The following CDH20 variants were observed in gnomAD, a reference collection of about 807,000 sequenced individuals.
CDH20 encodes cadherin 20.
A neutral mutation model predicts 74.2 loss-of-function variants in CDH20; 29 were observed. That is an observed-to-expected ratio of 0.39 (90% CI 0.29 to 0.53). The LOEUF is 0.53. CDH20 is among the 20% of genes least tolerant of loss of function. The pLI is 0.69. For synonymous variants in CDH20, 469 were observed against 405.4 expected, an observed-to-expected ratio of 1.16 and a Z score of -1.88; for missense variants, 988 against 1,048.3, an observed-to-expected ratio of 0.94 and a Z score of 0.79.
intron 1 of CDH20, among the ~76,000 whole-genome samples, chr18:61,381,894 C>T (rs1911444271): frequency 6.6e-6 from 1 of 152,194 alleles, no homozygotes; most frequent in Non-Finnish European, 1.5e-5. Flanking sequence ...CGCATCTCAA[C>T]ACATGAGATC....
At chr18:61,438,304 G>A (rs1599085435) in intron 1 of CDH20, among the ~76,000 whole-genome samples, 2 of 152,180 alleles carry the variant, frequency 1.3e-5, no homozygotes, top group South Asian at 4.1e-4. Context: ...TGGGTATGTG[G>A]GTGGTGACAG....
intron 1 of CDH20, among the ~76,000 whole-genome samples, chr18:61,469,029 A>G (rs1231620262): frequency 6.6e-6 from 1 of 152,102 alleles, no homozygotes; most frequent in Non-Finnish European, 1.5e-5. Flanking sequence ...TGTGGTCATT[A>G]CCTCCACATT....
At chr18:61,494,798 G>C (rs1911074723) in intron 2 of CDH20, among the ~76,000 whole-genome samples, 1 of 152,154 alleles carries the variant, frequency 6.6e-6, no homozygotes, top group Admixed American at 6.5e-5. Flanking sequence ...CTGAGAGCTT[G>C]TGCACGAATC....
At chr18:61,452,057 T>C (rs560609957) in intron 1 of CDH20, among the ~76,000 whole-genome samples, 2 of 152,190 alleles carry the variant, frequency 1.3e-5, no homozygotes, top group African/African-American at 4.8e-5. Flanking sequence ...TACTACTATT[T>C]TCCACAGTGC....
chr18:61,340,269 G>T (rs551744680), intron 1 of CDH20, among the ~76,000 whole-genome samples: 126 of 130,050 alleles, frequency 9.7e-4, no homozygotes, highest in African/African-American at 3.5e-3. Flanking sequence ...GAACAAGGTA[G>T]TCTTAGCATT....
rs146458918 is a variant in CDH20, at chr18:61,512,617, C to T, written c.1017+5057C>T. ...CGCTGTTTCCATGCCATTCTCCCTA[C>T]ACAATAAATCTTGTTTCAATGCCAA... On this transcript the variant is annotated intron_variant, in intron 6 of 11. Transcript: ENST00000262717. Among the ~76,000 whole-genome samples, 748 of 152,316 alleles carry T rather than the reference C, an allele frequency of 4.9e-3. 4 individuals carry two copies. The highest frequency in any genetic ancestry group is 0.017 in the African/African-American group (703 of 41,570).
At chr18:61,546,032 A>C (rs958190550) in intron 10 of CDH20, among the ~76,000 whole-genome samples, 1 of 152,200 alleles carries the variant, frequency 6.6e-6, no homozygotes, top group South Asian at 2.1e-4. Flanking sequence ...AGAAAAAAAA[A>C]GGTCAGGGCA....
In CDH20 at chr18:61,554,485, G is replaced by C. The variant is rs1237072342; in HGVS notation, c.2196G>C (p.Glu732Asp). 6.2e-7 allele frequency: 1 copy of C among 1,612,792 alleles called. No homozygotes were observed. The highest frequency in any genetic ancestry group is 1.3e-5 in the African/African-American group (1 of 74,920). The change falls in exon 12 of 12, where the codon GAG becomes GAC. Residue 732 changes from glutamate to aspartate, a missense_variant. This residue lies in a region of CDH20 where 375 missense variants were observed against 293.1 expected (regional missense o/e 1.28). Transcript: ENST00000262717. ...GCTACGTGCTGGCCAAGCTCTACGA[G>C]GCCGACATGGACCTGTGGGCACCGC... is the stretch of plus-strand genomic sequence containing the variant. ...VHSYVLAKLY[E>D]ADMDLWAPPF...
At chr18:61,479,701 T>C (rs1910521510) in intron 1 of CDH20, among the ~76,000 whole-genome samples, 1 of 152,086 alleles carries the variant, frequency 6.6e-6, no homozygotes, top group African/African-American at 2.4e-5. Flanking sequence ...GTCCTGTGCC[T>C]ATCAATAATT....
chr18:61,554,200 G>A lies in CDH20; in HGVS notation c.1911G>A (p.Leu637=), dbSNP rs955311385. 1.2e-6 allele frequency: 2 copies of A among 1,609,808 alleles called. No individual in the cohort carries two copies. Among genetic ancestry groups the A allele is most frequent in the Admixed American group, 1.7e-5 (1 of 59,946 alleles). ...TTTTGTTCCTGGCAGTGCTGGTGTT[G>A]CTCATTTTGTCCATGAGGCGGCACC... is the stretch of plus-strand genomic sequence containing the variant. ...ACIFVLLVLV[L]LILSMRRHRK... The change falls in exon 12 of 12, where the codon TTG becomes TTA. Residue 637 remains leucine, a synonymous_variant. Coordinates refer to ENST00000262717, the MANE Select transcript of CDH20 (RefSeq NM_031891.4).
At chr18:61,356,506 C>T (rs551150899) in intron 1 of CDH20, among the ~76,000 whole-genome samples, 60 of 152,026 alleles carry the variant, frequency 3.9e-4, no homozygotes, top group Non-Finnish European at 7.8e-4. Context: ...TTTCCTCTAC[C>T]GCCTAGATAT....
At chr18:61,374,563 T>C (rs2144164666) in intron 1 of CDH20, among the ~76,000 whole-genome samples, 1 of 152,282 alleles carries the variant, frequency 6.6e-6, no homozygotes, top group Middle Eastern at 3.4e-3. Flanking sequence ...TTCAAAACAT[T>C]AGGATGAGAT....
intron 11 of CDH20, 127 bp downstream of exon 11, chr18:61,550,356 G>C: frequency 1.7e-6 from 2 of 1,151,498 alleles, no homozygotes; most frequent in East Asian, 2.4e-5. Context: ...AAAGGTGGTA[G>C]AGTGAGGCTG....
intron 1 of CDH20, among the ~76,000 whole-genome samples, chr18:61,364,127 G>A (rs532930257): frequency 1.3e-5 from 2 of 151,632 alleles, no homozygotes; most frequent in Non-Finnish European, 3.0e-5. Flanking sequence ...AACTGCTGGT[G>A]GGGGGGAACA....
intron 1 of CDH20, among the ~76,000 whole-genome samples, chr18:61,482,869 A>G (rs1324950027): frequency 6.6e-6 from 1 of 152,142 alleles, no homozygotes; most frequent in Non-Finnish European, 1.5e-5. Context: ...CAAATACTTC[A>G]ATCCAATATC....
chr18:61,520,650 C>T (rs1229992901), intron 6 of CDH20, among the ~76,000 whole-genome samples: 11 of 151,112 alleles, frequency 7.3e-5, no homozygotes, highest in East Asian at 3.9e-4. Flanking sequence ...CTTCTCAGCA[C>T]GACATCACCA....
intron 1 of CDH20, among the ~76,000 whole-genome samples, chr18:61,352,763 T>C (rs2144115701): frequency 6.6e-6 from 1 of 152,328 alleles, no homozygotes; most frequent in Admixed American, 6.5e-5. Context: ...TCTTGAAATT[T>C]CAAAATCTAG....
chr18:61,349,068 C>G (rs932396867), intron 1 of CDH20, among the ~76,000 whole-genome samples: 4 of 152,078 alleles, frequency 2.6e-5, no homozygotes, highest in African/African-American at 4.8e-5. Flanking sequence ...AATGTGTATT[C>G]TTTTTAAATG....
At chr18:61,415,144 A>C (rs1181860465) in intron 1 of CDH20, among the ~76,000 whole-genome samples, 1 of 152,100 alleles carries the variant, frequency 6.6e-6, no homozygotes, top group East Asian at 1.9e-4. Flanking sequence ...ATTTTTATTC[A>C]CTAGTACTAT....
Sources: allele counts gnomAD v4.1 joint callset (sites outside exome capture counted in the v4.1 genomes callset), GRCh38; gene constraint gnomAD v4.1.1; regional missense constraint gnomAD v4.1.1; transcripts MANE v1.5; gene names NCBI Gene and HGNC (gene_info 2026-07-23, HGNC 2026-07-21).